ARHGAP21: variants seen among roughly 807,000 people sequenced by gnomAD.
The protein encoded by ARHGAP21 is rho GTPase-activating protein 21.
ARHGAP21 carries 38 observed loss-of-function variants against 164.6 expected under a neutral mutation model. The observed-to-expected ratio is 0.23, with a 90% CI of 0.18 to 0.30. The LOEUF (loss-of-function observed/expected upper bound fraction) is 0.30, where lower values mean the gene tolerates loss of function less well. Ranked by LOEUF, ARHGAP21 falls within the 10% of genes least tolerant of loss-of-function variation. The probability of loss-of-function intolerance (pLI) is 1.00; values close to 1 mark genes in which losing one functional copy is unlikely to be tolerated. For synonymous variants in ARHGAP21, 766 were observed against 857.9 expected (o/e 0.89, Z 1.87); for missense variants, 1,822 against 2,370.7 (o/e 0.77, Z 4.81).
At chr10:24,637,005 A>C (rs769898300) in intron 4 of ARHGAP21, among the ~76,000 whole-genome samples, 6 of 152,252 alleles carry the variant, frequency 3.9e-5, no homozygotes, top group Non-Finnish European at 5.9e-5. Context: ...TCAATGAATT[A>C]ATACATTTAT....
At chr10:24,642,787 C>G (rs1026596031) in intron 4 of ARHGAP21, among the ~76,000 whole-genome samples, 1 of 152,220 alleles carries the variant, frequency 6.6e-6, no homozygotes, top group African/African-American at 2.4e-5. Flanking sequence ...CCCAGTGCAA[C>G]TGCTCTACCT....
intron 2 of ARHGAP21, among the ~76,000 whole-genome samples, chr10:24,676,239 C>A (rs1398197780): frequency 6.6e-6 from 1 of 152,174 alleles, no homozygotes; most frequent in East Asian, 1.9e-4. Flanking sequence ...TCCTATCTCC[C>A]ATCATTCTTC....
rs1839425517 is a variant in ARHGAP21 at position 24,659,267 on chromosome 10, A to T, written c.268+7718T>A. ...TCACAGCAGCACTATTGTCCAAAGA[A>T]GATATACAAATGGATCTTTTATTGT... On this transcript the variant is annotated intron_variant, in intron 4 of 25. Transcript: ENST00000396432. 2.6e-5 allele frequency among the ~76,000 whole-genome samples: 4 copies of T among 152,380 alleles called. No homozygotes were observed. In the South Asian group the frequency reaches 8.3e-4, roughly 32 times the overall value.
intron 3 of ARHGAP21, among the ~76,000 whole-genome samples, chr10:24,669,818 A>T (rs948238286): frequency 6.6e-6 from 1 of 152,234 alleles, no homozygotes; most frequent in Non-Finnish European, 1.5e-5. Context: ...TCTGAAAGTT[A>T]AGTATTGTTC....
intron 6 of ARHGAP21, 28 bp from the exon 7 acceptor site, chr10:24,630,078 G>A (rs1835706300): frequency 7.5e-7 from 1 of 1,342,160 alleles, no homozygotes; most frequent in African/African-American, 1.5e-5. Flanking sequence ...ACTATTTTAG[G>A]AGAGGTAGAA....
chr10:24,652,574 T>C (rs1298007234), intron 4 of ARHGAP21, among the ~76,000 whole-genome samples: 4 of 152,174 alleles, frequency 2.6e-5, no homozygotes, highest in South Asian at 2.1e-4. Flanking sequence ...GCTAATAGTA[T>C]ATCACTAACA....
intron 25 of ARHGAP21, among the ~76,000 whole-genome samples, chr10:24,588,796 G>T (rs528892184): frequency 6.6e-6 from 1 of 152,154 alleles, no homozygotes; most frequent in Non-Finnish European, 1.5e-5. Context: ...AGACTATACT[G>T]TCTGTAAAAA....
chr10:24,642,272 T>C (rs1837117607), intron 4 of ARHGAP21, among the ~76,000 whole-genome samples: 1 of 151,838 alleles, frequency 6.6e-6, no homozygotes, highest in African/African-American at 2.4e-5. Flanking sequence ...TCCCAGCACT[T>C]TGGGAGGCCG....
intron 2 of ARHGAP21, among the ~76,000 whole-genome samples, chr10:24,702,438 C>A (rs1394702992): frequency 6.6e-6 from 1 of 152,028 alleles, no homozygotes; most frequent in Non-Finnish European, 1.5e-5. Flanking sequence ...GCCAATACCT[C>A]CATTCTTAAT....
At chr10:24,592,327 C>T (rs909031458) in intron 21 of ARHGAP21, among the ~76,000 whole-genome samples, 4 of 151,990 alleles carry the variant, frequency 2.6e-5, no homozygotes, top group African/African-American at 7.2e-5. Context: ...GTGTCAGCCA[C>T]CACAAGTGGC....
rs922415840 is a variant in ARHGAP21, at chr10:24,646,761, TAAAA to T, written c.269-11662_269-11659del. ...CTTGTCTCTAAAAAAATTTTAATAA[TAAAA>T]AGAAACCATTATACAATGATTTGAT... On this transcript the variant is annotated intron_variant, in intron 4 of 25. Coordinates refer to ENST00000396432, the MANE Select transcript of ARHGAP21 (RefSeq NM_020824.4). 6.6e-5 allele frequency among the ~76,000 whole-genome samples: 10 copies of T among 151,918 alleles called. No homozygotes were observed. In the South Asian group the frequency reaches 1.2e-3, roughly 19 times the overall value.
chr10:24,589,705 G>A (rs1218531181), intron 24 of ARHGAP21: 1 of 169,954 alleles, frequency 5.9e-6, no homozygotes, highest in Non-Finnish European at 1.2e-5. Flanking sequence ...AAGAGTGTTG[G>A]CCGCCCTAGC....
intron 2 of ARHGAP21, among the ~76,000 whole-genome samples, chr10:24,715,455 G>T (rs1430200549): frequency 6.6e-6 from 1 of 151,996 alleles, no homozygotes; most frequent in East Asian, 1.9e-4. Context: ...TTCTCTTATC[G>T]ACCAGTCTGA....
intron 4 of ARHGAP21, among the ~76,000 whole-genome samples, chr10:24,657,296 G>T (rs1173100661): frequency 8.8e-5 from 1 of 11,338 alleles, no homozygotes; most frequent in Non-Finnish European, 1.5e-4. Flanking sequence ...GGAGGGAGGT[G>T]GGGGGGGGGT....
rs373049399 is a variant in ARHGAP21, at chr10:24,670,284, G to C, written c.177C>G (p.Gly59=). 5 of 1,607,718 alleles carry C rather than the reference G, an allele frequency of 3.1e-6. No homozygotes were observed. In the African/African-American group the frequency reaches 6.7e-5, roughly 21 times the overall value. ...TAAAATGTCTTAATGTAAAACCAAA[G>C]CCTTGAGATGTTCTTTTCAACGTAA... ...KTVTLKRTSQ[G]FGFTLRHFIV... is the part of the protein sequence containing the mutation. Residue 59 remains glycine, a synonymous_variant, in exon 3 of 26, where the codon GGC becomes GGG. Transcript: ENST00000396432.
chr10:24,721,328 T>C (rs1336552776), intron 2 of ARHGAP21, among the ~76,000 whole-genome samples: 1 of 152,206 alleles, frequency 6.6e-6, no homozygotes, highest in Non-Finnish European at 1.5e-5. Flanking sequence ...ACACTTCTTT[T>C]TCTACCTAAA....
intron 12 of ARHGAP21, among the ~76,000 whole-genome samples, chr10:24,603,434 T>C (rs1211297327): frequency 6.6e-6 from 1 of 152,142 alleles, no homozygotes; most frequent in Admixed American, 6.5e-5. Flanking sequence ...CTATAGTTTT[T>C]TCAAGGGGTT....
At chr10:24,720,469 T>C (rs1845819333) in intron 2 of ARHGAP21, among the ~76,000 whole-genome samples, 1 of 152,214 alleles carries the variant, frequency 6.6e-6, no homozygotes, top group African/African-American at 2.4e-5. Context: ...GATTGTGGTG[T>C]TCCACTTAAT....
intron 4 of ARHGAP21, among the ~76,000 whole-genome samples, chr10:24,637,855 T>C (rs1301709977): frequency 2.0e-5 from 3 of 151,702 alleles, no homozygotes; most frequent in African/African-American, 7.3e-5. Context: ...GCACTTTTAA[T>C]TCTTGCTCAC....
Sources: allele counts gnomAD v4.1 joint callset (sites outside exome capture counted in the v4.1 genomes callset), GRCh38; gene constraint gnomAD v4.1.1; transcripts MANE v1.5; gene names NCBI Gene and HGNC (gene_info 2026-07-23, HGNC 2026-07-21).